Variants in PCDHGA3 observed in about 807,000 individuals in gnomAD.
PCDHGA3 encodes protocadherin gamma-A3.
PCDHGA3 carries 40 observed loss-of-function variants against 58.5 expected under a neutral mutation model. That is an observed-to-expected ratio of 0.68 (90% confidence interval 0.53 to 0.89). The LOEUF (loss-of-function observed/expected upper bound fraction) is 0.89, where lower values mean the gene tolerates loss of function less well. Among genes scored for constraint, PCDHGA3 ranks in the 40% least tolerant of loss-of-function variants. The pLI is 0.00. For synonymous variants in PCDHGA3, 530 were observed against 525.7 expected (o/e 1.01, Z -0.11); for missense variants, 1,223 against 1,195.9 (o/e 1.02, Z -0.33).
chr5:141,366,058 G>T, intron 1 of PCDHGA3: 1 of 1,614,242 alleles, frequency 6.2e-7, no homozygotes. Context: ...CGGGCGTGGA[G>T]CTGGCGCCTC....
chr5:141,372,472 T>C (rs1768797135), intron 1 of PCDHGA3: 8 of 1,614,034 alleles, frequency 5.0e-6, no homozygotes, highest in African/African-American at 1.3e-5. Flanking sequence ...TTTCACCTAG[T>C]AGTGGCGTTG....
intron 1 of PCDHGA3, chr5:141,371,912 C>G (rs1768180129): frequency 6.2e-7 from 1 of 1,613,380 alleles, no homozygotes; most frequent in Non-Finnish European, 8.5e-7. Flanking sequence ...CCTACGTGTC[C>G]GTGAGCGCGC....
intron 1 of PCDHGA3, among the ~76,000 whole-genome samples, chr5:141,482,530 CAAAA>C (rs3074545): frequency 9.1e-5 from 7 of 76,540 alleles, no homozygotes; most frequent in South Asian, 4.6e-4. Flanking sequence ...GACAGACATG[CAAAA>C]AAAAAAAAAA....
At chr5:141,449,021 C>T (rs897401758) in intron 1 of PCDHGA3, among the ~76,000 whole-genome samples, 3 of 152,104 alleles carry the variant, frequency 2.0e-5, no homozygotes, top group Non-Finnish European at 4.4e-5. Context: ...AGTTGCTTAG[C>T]ATTCCTTTGG....
chr5:141,449,075 T>C (rs1452456191), intron 1 of PCDHGA3, among the ~76,000 whole-genome samples: 3 of 152,240 alleles, frequency 2.0e-5, no homozygotes, highest in African/African-American at 7.2e-5. Context: ...AATAGCCCTG[T>C]ACCTACATCA....
intron 1 of PCDHGA3, among the ~76,000 whole-genome samples, chr5:141,433,837 CAA>C (rs56191208): frequency 1.4e-4 from 16 of 111,664 alleles, no homozygotes; most frequent in Non-Finnish European, 1.2e-4. Context: ...AACTCTATCT[CAA>C]AAAAAAAAAA....
chr5:141,456,434 G>A (rs1418917805), intron 1 of PCDHGA3, among the ~76,000 whole-genome samples: 1 of 152,108 alleles, frequency 6.6e-6, no homozygotes, highest in Non-Finnish European at 1.5e-5. Flanking sequence ...TTATAGTATT[G>A]AGTATACAGA....
rs115340023 is a variant in PCDHGA3 at position 141,387,818 on chromosome 5, G to T, written c.2424+41361G>T. 2,906 of 1,551,554 alleles carry T rather than the reference G, an allele frequency of 1.9e-3. 45 individuals carry two copies. The African/African-American group carries it at 0.028, about 15-fold the overall frequency. ...AGTCCGTTCGGAGATCCAAAAATCT[G>T]CAATACAGAGGTTATTTGTAACCCG... On this transcript the variant is annotated intron_variant, in intron 1 of 3. Transcript: ENST00000253812.
At chr5:141,405,505 C>A in intron 1 of PCDHGA3, 2 of 751,126 alleles carry the variant, frequency 2.7e-6, no homozygotes, top group Non-Finnish European at 4.2e-6. Context: ...TTGCAACCTC[C>A]GCCTCCCAAA....
intron 1 of PCDHGA3, among the ~76,000 whole-genome samples, chr5:141,451,067 A>G (rs948528671): frequency 6.6e-6 from 1 of 151,848 alleles, no homozygotes; most frequent in African/African-American, 2.4e-5. Flanking sequence ...TGACCTTGTG[A>G]TCCACCCACC....
In PCDHGA3 at chr5:141,431,514, C is replaced by T. The variant is rs760416874; in HGVS notation, c.2425-63293C>T. ...CAGCCCGAGTACCGCGCGAGCGTTC[C>T]GGAGAATCTGGCCTTGGGCACGCAG... On this transcript the variant is annotated intron_variant, in intron 1 of 3. Transcript: ENST00000253812. This position sits in a 1 kb window ranked among gnomAD's most constrained non-coding sequence, Gnocchi z 4.8. 3.1e-6 allele frequency: 5 copies of T among 1,614,012 alleles called. No homozygotes were observed. The highest frequency in any genetic ancestry group is 1.1e-5 in the South Asian group (1 of 91,082).
chr5:141,389,928 C>G, intron 1 of PCDHGA3: 1 of 1,614,066 alleles, frequency 6.2e-7, no homozygotes, highest in Non-Finnish European at 8.5e-7. Flanking sequence ...CCCCTCTGAC[C>G]TCCAGGCTGA....
At chr5:141,409,358 A>G (rs757614552) in intron 1 of PCDHGA3, 2 of 1,613,900 alleles carry the variant, frequency 1.2e-6, no homozygotes, top group Non-Finnish European at 8.5e-7. Flanking sequence ...CAGGTGTAAT[A>G]TAGAAACAGA....
chr5:141,360,382 G>C, intron 1 of PCDHGA3: 1 of 1,613,906 alleles, frequency 6.2e-7, no homozygotes, highest in South Asian at 1.1e-5. Flanking sequence ...AGAAAGCGGA[G>C]ACTTACTTGT....
At chr5:141,370,978 T>C (rs2149975927) in intron 1 of PCDHGA3, 1 of 1,613,976 alleles carries the variant, frequency 6.2e-7, no homozygotes, top group Non-Finnish European at 8.5e-7. Flanking sequence ...CCAGAGCTAG[T>C]ACTGAAAGCA....
rs748828282 is a variant in PCDHGA3 at position 141,491,412 on chromosome 5, C to T, written c.2425-3395C>T. The T allele has an allele frequency of 3.1e-6, 5 of 1,613,944 alleles. No homozygotes were observed. The African/African-American group carries it at 5.3e-5, about 17-fold the overall frequency. Reference sequence around the variant, plus strand: ...GCCTTCAGGGAAACGCAGACGGGGACGGGGGTGGAGGGCAGTGCTGCAGGC... The same window carrying T: ...GCCTTCAGGGAAACGCAGACGGGGATGGGGGTGGAGGGCAGTGCTGCAGGC... On this transcript the variant is annotated intron_variant, in intron 1 of 3. Coordinates refer to ENST00000253812, the MANE Select transcript of PCDHGA3 (RefSeq NM_018916.4). The surrounding 1 kb of genome is among the most constrained non-coding windows in gnomAD (Gnocchi z 6.9).
intron 1 of PCDHGA3, chr5:141,414,886 C>T (rs374779316): frequency 1.4e-5 from 22 of 1,614,120 alleles, no homozygotes; most frequent in African/African-American, 2.7e-5. Context: ...GTACCCCGCC[C>T]TCCCCACAGA....
chr5:141,427,768 A>C (rs1003238906), intron 1 of PCDHGA3: 4 of 1,393,994 alleles, frequency 2.9e-6, no homozygotes, highest in Non-Finnish European at 4.0e-6. Context: ...ACTGACTTGG[A>C]GCTGCGGGCA....
Position 141,372,306 on chromosome 5 carries a change from G to T in PCDHGA3, c.2424+25849G>T, listed in dbSNP as rs771102617. 35 of 1,613,152 alleles carry T rather than the reference G, an allele frequency of 2.2e-5. No homozygotes were observed. Among genetic ancestry groups the T allele is most frequent in the African/African-American group, 9.3e-5 (7 of 75,056 alleles). ...GCGTACCTTGGGCGACAGGGAGGCC[G>T]CCCGCCAGCGCCTGCTGGTCACTGT... On this transcript the variant is annotated intron_variant, in intron 1 of 3. Coordinates refer to ENST00000253812, the MANE Select transcript of PCDHGA3 (RefSeq NM_018916.4).
Sources: allele counts gnomAD v4.1 joint callset (sites outside exome capture counted in the v4.1 genomes callset), GRCh38; gene constraint gnomAD v4.1.1; non-coding constraint Gnocchi (gnomAD v3.1); transcripts MANE v1.5; gene names NCBI Gene and HGNC (gene_info 2026-07-23, HGNC 2026-07-21).